Variants in ADPRM observed in about 807,000 individuals in gnomAD.
The protein encoded by ADPRM is manganese-dependent ADP-ribose/CDP-alcohol diphosphatase.
ADPRM carries 17 observed loss-of-function variants against 27.2 expected under a neutral mutation model. The ratio of observed to expected loss-of-function variants is 0.63; its 90% CI spans 0.43 to 0.94. The LOEUF (loss-of-function observed/expected upper bound fraction) is 0.94. ADPRM is among the 40% of genes least tolerant of loss of function. ADPRM has a pLI of 0.00. For synonymous variants in ADPRM, 135 were observed against 145.3 expected, an observed-to-expected ratio of 0.93 and a Z score of 0.51; for missense variants, 337 against 412.8, an observed-to-expected ratio of 0.82 and a Z score of 1.59.
Position 10,705,059 on chromosome 17 carries a change from T to C in ADPRM, c.133T>C (p.Tyr45His). The C allele has an allele frequency of 1.9e-6, 3 of 1,614,140 alleles. No homozygotes were observed. The South Asian group carries it at 3.3e-5, about 18-fold the overall frequency. Residue 45 changes from tyrosine to histidine, a missense_variant, in exon 2 of 4, where the codon TAC (tyrosine) becomes CAC (histidine). Coordinates refer to ENST00000379774, the MANE Select transcript of ADPRM (RefSeq NM_020233.5). This position sits in a 1 kb window ranked among gnomAD's most constrained non-coding sequence, Gnocchi z 5.4. Reference protein sequence around the residue: ...FNFQGTRRRYYRHSLLHLQGA... With the variant: ...FNFQGTRRRYHRHSLLHLQGA... ...TTTCCAAGGAACCAGGCGGCGATAC[T>C]ACAGACATAGTCTTCTTCACTTACA...
At chr17:10,710,158 G>A (rs2074841676) in intron 3 of ADPRM, among the ~76,000 whole-genome samples, 1 of 152,166 alleles carries the variant, frequency 6.6e-6, no homozygotes, top group African/African-American at 2.4e-5. Flanking sequence ...CTGAAGTGTG[G>A]TGGTGTGATC....
At chr17:10,698,986 C>T (rs568249286) in intron 1 of ADPRM, 11 of 152,168 alleles carry the variant, frequency 7.2e-5, no homozygotes, top group Non-Finnish European at 1.2e-4. Flanking sequence ...TGATCAGCCA[C>T]CCAAATTAAG....
Position 10,705,159 on chromosome 17 carries a change from G to A in ADPRM, c.233G>A (p.Gly78Glu). 1 of 1,614,110 alleles carries A rather than the reference G, an allele frequency of 6.2e-7. No homozygotes were observed. The highest frequency in any genetic ancestry group is 1.1e-5 in the South Asian group (1 of 91,082). The change falls in exon 2 of 4, where the codon GGA becomes GAA. Residue 78 changes from glycine (G) to glutamate (E), a missense_variant. By Grantham distance (98) the Gly-to-Glu change is moderately conservative (BLOSUM62 -2). Coordinates refer to ENST00000379774, the MANE Select transcript of ADPRM (RefSeq NM_020233.5). This position sits in a 1 kb window ranked among gnomAD's most constrained non-coding sequence, Gnocchi z 5.4. ...CTTCAGCTTGGAGATATCATCGATG[G>A]ATATAATGCACAGTATAATGCATCC... The part of the protein sequence containing the change: ...CVLQLGDIID[G>E]YNAQYNASKK...
At chr17:10,699,826 C>T (rs1002128483) in intron 1 of ADPRM, among the ~76,000 whole-genome samples, 2 of 152,130 alleles carry the variant, frequency 1.3e-5, no homozygotes, top group East Asian at 1.9e-4. Context: ...GCCACCACAC[C>T]CGGCCCCAAT....
chr17:10,709,262 A>G (rs1228357728), intron 3 of ADPRM, among the ~76,000 whole-genome samples: 1 of 152,172 alleles, frequency 6.6e-6, no homozygotes, highest in Non-Finnish European at 1.5e-5. Flanking sequence ...TCAGATGCCT[A>G]CTAGACATCA....
chr17:10,705,303 TTAACAC>T lies in ADPRM; in HGVS notation c.381_386del (p.Asn127_Thr128del). 6.2e-7 allele frequency: 1 copy of T among 1,614,056 alleles called. No individual in the cohort carries two copies. The highest frequency in any genetic ancestry group is 8.5e-7 in the Non-Finnish European group (1 of 1,179,974). On this transcript the variant is annotated inframe_deletion, in exon 2 of 4. Coordinates refer to ENST00000379774, the MANE Select transcript of ADPRM (RefSeq NM_020233.5). This position sits in a 1 kb window ranked among gnomAD's most constrained non-coding sequence, Gnocchi z 5.4. ...AGAGAGTATTTAACACACTCTAAACTTAACACTAAGTTTCTAGAAGATCAGATTGTA... is the reference window on the plus strand; with the variant it reads ...AGAGAGTATTTAACACACTCTAAACTTAAGTTTCTAGAAGATCAGATTGTA...
In ADPRM at chr17:10,711,277, T is replaced by C. The variant is rs1597519313; in HGVS notation, c.*133T>C. ...ATGTATTTATAGTTTCAGTGTGTGA[T>C]GGTTGATAAAATACTCAGAAATGTT... On this transcript the variant is annotated 3_prime_UTR_variant, in exon 4 of 4. Transcript: ENST00000379774. 1 of 738,194 alleles carries C rather than the reference T, an allele frequency of 1.4e-6. No homozygotes were observed. Among genetic ancestry groups the C allele is most frequent in the South Asian group, 1.9e-5 (1 of 51,406 alleles). The allele number at this position is 738,194 out of a possible 1,614,324, so 45.7% of individuals were successfully genotyped here.
chr17:10,703,964 G>T (rs2074796012), intron 1 of ADPRM, among the ~76,000 whole-genome samples: 1 of 152,094 alleles, frequency 6.6e-6, no homozygotes, highest in Admixed American at 6.5e-5. Flanking sequence ...GAGATCATTT[G>T]TAAGAAGAAA....
Position 10,705,434 on chromosome 17 carries a change from G to A in ADPRM, c.508G>A (p.Val170Ile). Reference sequence around the variant, plus strand: ...TTTACTTGATGCATATGACTTGAGTGTCTTGGGCGTGGATCAGTCTTCTCC... The same window carrying A: ...TTTACTTGATGCATATGACTTGAGTATCTTGGGCGTGGATCAGTCTTCTCC... ...FILLDAYDLS[V>I]LGVDQSSPKY... Residue 170 changes from valine (V) to isoleucine (I), a missense_variant, in exon 2 of 4, where the codon GTC becomes ATC. By Grantham distance (29) the Val-to-Ile change is conservative (BLOSUM62 3). Transcript: ENST00000379774. The surrounding 1 kb of genome is among the most constrained non-coding windows in gnomAD (Gnocchi z 5.4). 1 of 1,614,062 alleles carries A rather than the reference G, an allele frequency of 6.2e-7. No individual in the cohort carries two copies. The highest frequency in any genetic ancestry group is 1.7e-5 in the Admixed American group (1 of 60,018).
intron 3 of ADPRM, among the ~76,000 whole-genome samples, chr17:10,709,174 A>G (rs893369417): frequency 1.3e-5 from 2 of 152,204 alleles, no homozygotes; most frequent in Admixed American, 6.5e-5. Flanking sequence ...TAGAATTGCC[A>G]TTAGCTGAGA....
chr17:10,710,811 CTCT>C lies in ADPRM; in HGVS notation c.719-18_719-16del, dbSNP rs2074847410. Reference sequence around the variant, plus strand: ...GAGATATTTCTTAATTGGCTCATAACTCTTCTTTTCTTTAACTAACAGGCCATC... The same window carrying C: ...GAGATATTTCTTAATTGGCTCATAACTCTTTTCTTTAACTAACAGGCCATC... On this transcript the variant is annotated intron_variant, in intron 3 of 3. Coordinates refer to ENST00000379774, the MANE Select transcript of ADPRM (RefSeq NM_020233.5). 7 of 1,602,652 alleles carry C rather than the reference CTCT, an allele frequency of 4.4e-6. No homozygotes were observed. Among genetic ancestry groups the C allele is most frequent in the South Asian group, 2.2e-5 (2 of 90,692 alleles).
intron 1 of ADPRM, among the ~76,000 whole-genome samples, chr17:10,700,604 A>G (rs1473321639): frequency 6.6e-6 from 1 of 151,776 alleles, no homozygotes; most frequent in African/African-American, 2.4e-5. Context: ...AAAAAAAAAA[A>G]AAAGCCAAAA....
At position 10,704,932 on chromosome 17, in the gene ADPRM, T is replaced by G. The variant is rs2074803584; in HGVS notation, c.6T>G (p.Asp2Glu). ...TAGAAACCTGTTTGGAGGTTATGGA[T>G]GATAAACCCAATCCTGAAGCCCTAA... The part of the protein sequence containing the change: M[D>E]DKPNPEALSD... The change falls in exon 2 of 4, where the codon GAT becomes GAG. Residue 2 changes from aspartate (D) to glutamate (E), a missense_variant. Coordinates refer to ENST00000379774, the MANE Select transcript of ADPRM (RefSeq NM_020233.5). 19 of 1,592,554 alleles carry G rather than the reference T, an allele frequency of 1.2e-5. No homozygotes were observed. Among genetic ancestry groups the G allele is most frequent in the Non-Finnish European group, 1.6e-5 (19 of 1,171,738 alleles).
Position 10,697,652 on chromosome 17 carries a change from CAGGG to C in ADPRM, c.-32_-29del. On this transcript the variant is annotated 5_prime_UTR_variant, in exon 1 of 4. Transcript: ENST00000379774. ...GCCCGTAGTCAGAGGCCTTTCAGCC[CAGGG>C]GCCGGCGCACGGTAGGTAGTTCCCT... 9.8e-7 allele frequency: 1 copy of C among 1,021,578 alleles called. No individual in the cohort carries two copies. 63.3% of individuals were successfully genotyped at this position (1,021,578 alleles called of 1,614,324 possible).
intron 1 of ADPRM, among the ~76,000 whole-genome samples, chr17:10,701,316 T>C (rs2520154): frequency 0.056 from 8,458 of 152,200 alleles, 779 homozygotes; most frequent in African/African-American, 0.19. Flanking sequence ...ATTTTCTTTT[T>C]TAAAAAAACT....
chr17:10,709,386 T>C (rs1323559373), intron 3 of ADPRM, among the ~76,000 whole-genome samples: 1 of 151,196 alleles, frequency 6.6e-6, no homozygotes, highest in Non-Finnish European at 1.5e-5. Flanking sequence ...TTAAGGCATG[T>C]AAATCACTAA....
intron 2 of ADPRM, chr17:10,706,012 AGGAGGAGTCTCCCTT>A (rs1439515682): frequency 2.6e-5 from 5 of 193,118 alleles, no homozygotes; most frequent in Non-Finnish European, 4.3e-5. Context: ...CTAAATGACA[AGGAGGAGTCTCCCTT>A]GGAATGAATG....
At chr17:10,700,332 G>C (rs2151461361) in intron 1 of ADPRM, among the ~76,000 whole-genome samples, 1 of 152,316 alleles carries the variant, frequency 6.6e-6, no homozygotes, top group Non-Finnish European at 1.5e-5. Flanking sequence ...TATTGGAAAA[G>C]TTTTATTAGT....
At chr17:10,708,270 A>C (rs2074827287) in intron 3 of ADPRM, among the ~76,000 whole-genome samples, 1 of 151,830 alleles carries the variant, frequency 6.6e-6, no homozygotes, top group African/African-American at 2.4e-5. Context: ...CTCTACTAAA[A>C]ATACAAAAAT....
Sources: allele counts gnomAD v4.1 joint callset (sites outside exome capture counted in the v4.1 genomes callset), GRCh38; gene constraint gnomAD v4.1.1; non-coding constraint Gnocchi (gnomAD v3.1); transcripts MANE v1.5; gene names NCBI Gene and HGNC (gene_info 2026-07-23, HGNC 2026-07-21).